The following KLHL1 variants were observed in gnomAD, a reference collection of about 807,000 sequenced individuals.
The protein encoded by KLHL1 is kelch-like protein 1.
In KLHL1, 47 loss-of-function variants were observed where a neutral mutation model predicts 77.7. That is an observed-to-expected ratio of 0.60 (90% CI 0.48 to 0.77). KLHL1 has a LOEUF of 0.77. Among genes scored for constraint, KLHL1 ranks in the 30% least tolerant of loss-of-function variants. The pLI, the probability that KLHL1 is intolerant of heterozygous loss-of-function variation, is 0.00. For synonymous variants in KLHL1, 360 were observed against 325.2 expected (o/e 1.11, Z -1.15); for missense variants, 925 against 910.8 (o/e 1.02, Z -0.20).
At chr13:69,922,822 T>A (rs1882685849) in intron 4 of KLHL1, among the ~76,000 whole-genome samples, 3 of 152,118 alleles carry the variant, frequency 2.0e-5, no homozygotes, top group Admixed American at 2.0e-4. Context: ...AGAACTGTAG[T>A]TAAAAAGGTC....
chr13:69,954,970 C>T (rs764497574), intron 3 of KLHL1, among the ~76,000 whole-genome samples: 1 of 151,036 alleles, frequency 6.6e-6, no homozygotes, highest in Non-Finnish European at 1.5e-5. Context: ...TAAACACCCT[C>T]TGAAAATTGC....
chr13:69,952,459 T>C (rs1438437159), intron 3 of KLHL1, among the ~76,000 whole-genome samples: 1 of 151,354 alleles, frequency 6.6e-6, no homozygotes, highest in South Asian at 2.1e-4. Context: ...TAAACATTCC[T>C]TTAGAGAAGA....
At chr13:69,812,010 G>A (rs112853591) in intron 6 of KLHL1, among the ~76,000 whole-genome samples, 10,023 of 152,064 alleles carry the variant, frequency 0.066, 469 homozygotes, top group Non-Finnish European at 0.099. Context: ...GTCAATCTTA[G>A]ATCTTTCCTG....
chr13:69,955,923 T>TTA (rs1190006388), intron 3 of KLHL1, among the ~76,000 whole-genome samples: 1 of 119,262 alleles, frequency 8.4e-6, no homozygotes, highest in African/African-American at 2.9e-5. Context: ...ATATATATAT[T>TTA]TATATATATT....
At chr13:70,044,218 T>G (rs1886442829) in intron 1 of KLHL1, among the ~76,000 whole-genome samples, 1 of 152,160 alleles carries the variant, frequency 6.6e-6, no homozygotes, top group Non-Finnish European at 1.5e-5. Context: ...AACTCTACAT[T>G]TGCTCCCACG....
In KLHL1 at chr13:69,723,785, A is replaced by G. The variant is rs141419251; in HGVS notation, c.1803-4204T>C. On this transcript the variant is annotated intron_variant, in intron 8 of 10. Transcript: ENST00000377844. ...CTAGGTCTTCACAACCCCTTATCAT[A>G]ACCCAGACATTCCTTTCGGCTGATA... is the stretch of plus-strand genomic sequence containing the variant. Among the ~76,000 whole-genome samples, 3 of 152,148 alleles carry G rather than the reference A, an allele frequency of 2.0e-5. No homozygotes were observed. The East Asian group carries it at 5.8e-4, about 29-fold the overall frequency.
At chr13:69,782,483 G>A (rs534631085) in intron 7 of KLHL1, among the ~76,000 whole-genome samples, 222 of 152,300 alleles carry the variant, frequency 1.5e-3, no homozygotes, top group African/African-American at 4.6e-3. Flanking sequence ...CTTTTCCAAC[G>A]GGCTTAAAAA....
chr13:69,782,075 G>A (rs1876244887), intron 7 of KLHL1, among the ~76,000 whole-genome samples: 1 of 151,880 alleles, frequency 6.6e-6, no homozygotes, highest in Non-Finnish European at 1.5e-5. Context: ...AATATCTTAT[G>A]GCATCTACTT....
chr13:69,813,064 G>A (rs1024574351), intron 6 of KLHL1, among the ~76,000 whole-genome samples: 3 of 151,572 alleles, frequency 2.0e-5, no homozygotes, highest in South Asian at 2.1e-4. Context: ...GCAAAGACTC[G>A]GAACCAACCC....
chr13:69,917,006 G>A (rs547620620), intron 4 of KLHL1, among the ~76,000 whole-genome samples: 1 of 152,080 alleles, frequency 6.6e-6, no homozygotes, highest in African/African-American at 2.4e-5. Context: ...AAACATGGAT[G>A]TATACATATA....
chr13:69,836,780 T>G (rs2138104103), intron 6 of KLHL1, among the ~76,000 whole-genome samples: 1 of 152,074 alleles, frequency 6.6e-6, no homozygotes, highest in African/African-American at 2.4e-5. Context: ...TAACGTAATT[T>G]CATTTAAAAT....
chr13:69,796,658 C>A, intron 7 of KLHL1, 80 bp downstream of exon 7: 1 of 1,023,988 alleles, frequency 9.8e-7, no homozygotes, highest in South Asian at 1.6e-5. Context: ...CTAAGACAGA[C>A]ATCAATAATA....
At chr13:69,935,245 CTTGGT>C (rs1883148025) in intron 4 of KLHL1, among the ~76,000 whole-genome samples, 1 of 150,694 alleles carries the variant, frequency 6.6e-6, no homozygotes, top group African/African-American at 2.5e-5. Context: ...CACTGGTGAA[CTTGGT>C]ACATAGTTCA....
At chr13:69,899,282 T>C in intron 4 of KLHL1, among the ~76,000 whole-genome samples, 1 of 152,126 alleles carries the variant, frequency 6.6e-6, no homozygotes, top group East Asian at 1.9e-4. Flanking sequence ...TTCCCTGAAG[T>C]GTGCACAATA....
intron 4 of KLHL1, among the ~76,000 whole-genome samples, chr13:69,891,070 TTA>T (rs1257365401): frequency 1.3e-5 from 2 of 152,232 alleles, no homozygotes; most frequent in Non-Finnish European, 2.9e-5. Flanking sequence ...AGCATTCAAA[TTA>T]TATGTTAGTT....
rs537873201 is a variant in KLHL1 at position 69,741,644 on chromosome 13, A to C, written c.1640-1088T>G. Reference sequence around the variant, plus strand: ...GTTTCCCTTCTCTTGATCAAACTTCAGACAGTTTTGTCCTGTGTCTAGAGC... The same window carrying C: ...GTTTCCCTTCTCTTGATCAAACTTCCGACAGTTTTGTCCTGTGTCTAGAGC... On this transcript the variant is annotated intron_variant, in intron 7 of 10. Transcript: ENST00000377844. Among the ~76,000 whole-genome samples, 4 of 152,274 alleles carry C rather than the reference A, an allele frequency of 2.6e-5. No individual in the cohort carries two copies. In the East Asian group the frequency reaches 7.7e-4, roughly 29 times the overall value.
At chr13:69,844,615 C>G (rs1408431420) in intron 5 of KLHL1, among the ~76,000 whole-genome samples, 1 of 151,514 alleles carries the variant, frequency 6.6e-6, no homozygotes, top group Non-Finnish European at 1.5e-5. Context: ...TTGGGTAGGA[C>G]AGAAATATCA....
At chr13:69,875,052 A>T (rs1456053804) in intron 5 of KLHL1, among the ~76,000 whole-genome samples, 10 of 152,098 alleles carry the variant, frequency 6.6e-5, no homozygotes, top group Admixed American at 6.6e-4. Context: ...GTCCTGGGGC[A>T]CTGTAACATC....
In KLHL1 at chr13:69,934,259, C is replaced by T. The variant is rs991161551; in HGVS notation, c.1014+5781G>A. On this transcript the variant is annotated intron_variant, in intron 4 of 10. Coordinates refer to ENST00000377844, the MANE Select transcript of KLHL1 (RefSeq NM_020866.3). ...AAAGCTGCTGCTTATGTGCCAAGCA[C>T]GATGGCAGAAGGTAGCGTTACCTCA... Among the ~76,000 whole-genome samples the T allele has an allele frequency of 2.6e-5, 4 of 152,218 alleles. No homozygotes were observed. The South Asian group carries it at 6.2e-4, about 24-fold the overall frequency.
Sources: allele counts gnomAD v4.1 joint callset (sites outside exome capture counted in the v4.1 genomes callset), GRCh38; gene constraint gnomAD v4.1.1; transcripts MANE v1.5; gene names NCBI Gene and HGNC (gene_info 2026-07-23, HGNC 2026-07-21).